The following MAP6 variants were observed in gnomAD, a reference collection of about 807,000 sequenced individuals.
The protein encoded by MAP6 is microtubule-associated protein 6.
A neutral mutation model predicts 42.4 loss-of-function variants in MAP6; 26 were observed. That is an observed-to-expected ratio of 0.61 (90% CI 0.45 to 0.85). The LOEUF (loss-of-function observed/expected upper bound fraction) is 0.85, where lower values mean the gene tolerates loss of function less well. Among genes scored for constraint, MAP6 ranks in the 40% least tolerant of loss-of-function variants. The probability of loss-of-function intolerance (pLI) is 0.00; values close to 1 mark genes in which losing one functional copy is unlikely to be tolerated. For synonymous variants in MAP6, 418 were observed against 443.8 expected (o/e 0.94, Z 0.73); for missense variants, 966 against 1,099.0 (o/e 0.88, Z 1.71).
At chr11:75,656,906 A>G (rs759178090) in intron 1 of MAP6, among the ~76,000 whole-genome samples, 1 of 152,182 alleles carries the variant, frequency 6.6e-6, no homozygotes, top group Non-Finnish European at 1.5e-5. Flanking sequence ...AACATTTCCA[A>G]CACCTCAGAA....
Position 75,587,395 on chromosome 11 carries a change from T to C in MAP6, c.2106A>G (p.Val702=). ...KVHDSAVVAP[V]KNQGPVVPES... is the part of the protein sequence containing the mutation. ...CGGGGACCACAGGACCTTGATTCTT[T>C]ACAGGTGCCACAACTGCAGAATCGT... The change falls in exon 4 of 4, where the codon GTA becomes GTG. Residue 702 remains valine (V), a synonymous_variant. Coordinates refer to ENST00000304771, the MANE Select transcript of MAP6 (RefSeq NM_033063.2). 1 of 1,614,052 alleles carries C rather than the reference T, an allele frequency of 6.2e-7. No homozygotes were observed. Among genetic ancestry groups the C allele is most frequent in the East Asian group, 2.2e-5 (1 of 44,878 alleles).
At chr11:75,660,232 G>A (rs898112477) in intron 1 of MAP6, among the ~76,000 whole-genome samples, 2 of 152,056 alleles carry the variant, frequency 1.3e-5, no homozygotes, top group African/African-American at 4.8e-5. Context: ...CCTTTTCCAA[G>A]GGTAATTTTG....
intron 1 of MAP6, among the ~76,000 whole-genome samples, chr11:75,611,552 G>A (rs1360317534): frequency 1.3e-5 from 2 of 152,178 alleles, no homozygotes; most frequent in Non-Finnish European, 1.5e-5. Context: ...ATGACAGATG[G>A]TTAGGTTTAA....
intron 1 of MAP6, among the ~76,000 whole-genome samples, chr11:75,629,423 C>G (rs1376702470): frequency 6.6e-6 from 1 of 152,014 alleles, no homozygotes; most frequent in East Asian, 1.9e-4. Flanking sequence ...CTGCTTGGGA[C>G]TTCTGCAGGT....
Position 75,608,005 on chromosome 11 carries a change from C to T in MAP6, c.1119+104G>A, listed in dbSNP as rs543134350. On this transcript the variant is annotated intron_variant, in intron 2 of 3. Transcript: ENST00000304771. ...AGGAAGCAGGGATTTTAAAGGTGCC[C>T]GTGGAGGCTGGGCCAGATTTGACAG... 6.5e-5 allele frequency: 70 copies of T among 1,075,248 alleles called. No individual in the cohort carries two copies. The African/African-American group carries it at 8.1e-4, about 12-fold the overall frequency. The allele number at this position is 1,075,248 out of a possible 1,614,324, so 66.6% of individuals were successfully genotyped here. A position where few individuals can be genotyped will look rare whatever the true frequency, so the allele number is the denominator to read the frequency against.
intron 1 of MAP6, among the ~76,000 whole-genome samples, chr11:75,630,506 T>C (rs1014123559): frequency 1.3e-5 from 2 of 152,234 alleles, no homozygotes; most frequent in African/African-American, 4.8e-5. Context: ...AATATTTAAC[T>C]TAAAATTTTA....
At chr11:75,593,830 T>A (rs756274799) in intron 3 of MAP6, among the ~76,000 whole-genome samples, 8 of 152,230 alleles carry the variant, frequency 5.3e-5, no homozygotes, top group Non-Finnish European at 7.3e-5. Flanking sequence ...AGCAACCTGC[T>A]ATAGAGACAG....
At position 75,631,438 on chromosome 11, in the gene MAP6, TA is replaced by T. The variant is rs1336481873; in HGVS notation, c.906-23117del. On this transcript the variant is annotated intron_variant, in intron 1 of 3. Coordinates refer to ENST00000304771, the MANE Select transcript of MAP6 (RefSeq NM_033063.2). The stretch of plus-strand genomic sequence containing the variant: ...GAAATACAGTAGACTTTTTTTTTCT[TA>T]ATTGCCCTTTGCCCTTTGCCCAACC... Among the ~76,000 whole-genome samples the T allele has an allele frequency of 2.0e-5, 3 of 152,168 alleles. No homozygotes were observed. The East Asian group carries it at 5.8e-4, about 29-fold the overall frequency.
intron 3 of MAP6, chr11:75,594,137 A>T (rs1376190152): frequency 6.6e-6 from 1 of 152,252 alleles, no homozygotes; most frequent in Non-Finnish European, 1.5e-5. Context: ...GTGATTCTCC[A>T]GGTCCAGGAC....
chr11:75,652,857 A>T (rs988571228), intron 1 of MAP6, among the ~76,000 whole-genome samples: 2 of 151,906 alleles, frequency 1.3e-5, no homozygotes, highest in Non-Finnish European at 2.9e-5. Context: ...AAAAAGAAGA[A>T]AAAAGAAAAA....
At chr11:75,651,992 C>G (rs898886746) in intron 1 of MAP6, among the ~76,000 whole-genome samples, 1 of 152,270 alleles carries the variant, frequency 6.6e-6, no homozygotes, top group East Asian at 1.9e-4. Context: ...TGTTTGCAAT[C>G]AACCTGATGA....
At position 75,608,262 on chromosome 11, in the gene MAP6, C is replaced by G. The variant is rs764017695; in HGVS notation, c.966G>C (p.Gln322His). 4 of 1,614,218 alleles carry G rather than the reference C, an allele frequency of 2.5e-6. No homozygotes were observed. Among genetic ancestry groups the G allele is most frequent in the Non-Finnish European group, 3.4e-6 (4 of 1,180,030 alleles). Residue 322 changes from glutamine to histidine, a missense_variant, in exon 2 of 4, where the codon CAG (glutamine) becomes CAC (histidine). Coordinates refer to ENST00000304771, the MANE Select transcript of MAP6 (RefSeq NM_033063.2). The stretch of plus-strand genomic sequence containing the variant: ...CCATCTTATCATCTGGGGGCTTGTA[C>G]TGGGGCTTGGCCTTTATTGGTTTCA... ...KPVKPIKAKP[Q>H]YKPPDDKMVH...
intron 1 of MAP6, among the ~76,000 whole-genome samples, chr11:75,653,005 C>T (rs1943675357): frequency 6.6e-6 from 1 of 152,122 alleles, no homozygotes; most frequent in African/African-American, 2.4e-5. Context: ...CTCTCCCACC[C>T]ATATTACATC....
intron 1 of MAP6, among the ~76,000 whole-genome samples, chr11:75,660,067 C>G (rs924490499): frequency 6.6e-6 from 1 of 152,210 alleles, no homozygotes; most frequent in African/African-American, 2.4e-5. Flanking sequence ...CTGCTGAGTT[C>G]ATATGAGGTT....
intron 1 of MAP6, among the ~76,000 whole-genome samples, chr11:75,636,874 G>C (rs1424270955): frequency 6.6e-6 from 1 of 152,192 alleles, no homozygotes; most frequent in Non-Finnish European, 1.5e-5. Flanking sequence ...CCAACTTGGT[G>C]CTTCCTTGTG....
At chr11:75,589,397 G>A (rs755352862) in intron 3 of MAP6, among the ~76,000 whole-genome samples, 55 of 152,222 alleles carry the variant, frequency 3.6e-4, no homozygotes, top group Non-Finnish European at 7.1e-4. Context: ...GTTGGAAGTC[G>A]AGAGAGTGGC....
chr11:75,650,653 A>G (rs926338115), intron 1 of MAP6, among the ~76,000 whole-genome samples: 2 of 152,154 alleles, frequency 1.3e-5, no homozygotes, highest in Non-Finnish European at 2.9e-5. Context: ...AGGACCTAAG[A>G]GTTTACACAT....
chr11:75,606,507 C>T (rs191414173), intron 2 of MAP6, among the ~76,000 whole-genome samples: 3 of 152,208 alleles, frequency 2.0e-5, no homozygotes, highest in Admixed American at 1.3e-4. Flanking sequence ...GGAGAGGCAA[C>T]GAGGGTTAGA....
rs1299431895 is a variant in MAP6, at chr11:75,667,551, G to A, written c.819C>T (p.Pro273=). Residue 273 remains proline, a synonymous_variant, in exon 1 of 4, where the codon CCC becomes CCT. Coordinates refer to ENST00000304771, the MANE Select transcript of MAP6 (RefSeq NM_033063.2). This position sits in a 1 kb window ranked among gnomAD's most constrained non-coding sequence, Gnocchi z 5.6. ...CCGCGGCGCGCCCCCTGCCAGCCTC[G>A]GGGCCGGTGGCCTGGACCTGGGCCT... ...AAQAQVQATG[P]EAGRGRAAAD... is the part of the protein sequence containing the mutation. The A allele has an allele frequency of 1.3e-6, 2 of 1,485,120 alleles. No individual in the cohort carries two copies. Among genetic ancestry groups the A allele is most frequent in the Non-Finnish European group, 1.8e-6 (2 of 1,125,402 alleles). The allele number at this position is 1,485,120 out of a possible 1,614,324, so 92.0% of individuals were successfully genotyped here. A position where few individuals can be genotyped will look rare whatever the true frequency, so the allele number is the denominator to read the frequency against.
Sources: gnomAD v4.1 joint callset for allele counts (sites outside exome capture counted in the v4.1 genomes callset) on GRCh38, gnomAD v4.1.1 for gene constraint, Gnocchi (gnomAD v3.1) non-coding constraint, MANE v1.5 for transcripts, NCBI Gene and HGNC (gene_info 2026-07-23, HGNC 2026-07-21) for gene names.